Variants in ADAMTSL1 observed in about 807,000 individuals in gnomAD.
ADAMTSL1 encodes ADAMTS like 1, also known as ADAMTS-like protein 1.
A neutral mutation model predicts 201.8 loss-of-function variants in ADAMTSL1; 126 were observed. That is an observed-to-expected ratio of 0.62 (90% CI 0.54 to 0.72). The LOEUF is 0.72. Ranked by LOEUF, ADAMTSL1 falls within the 30% of genes least tolerant of loss-of-function variation. ADAMTSL1 has a pLI of 0.00. For missense variants in ADAMTSL1, 2,679 were observed against 2,277.8 expected (o/e 1.18, Z -3.59); for synonymous variants, 1,121 against 903.4 (o/e 1.24, Z -4.32).
intron 16 of ADAMTSL1, among the ~76,000 whole-genome samples, chr9:18,765,146 T>C (rs1588067604): frequency 6.6e-6 from 1 of 152,198 alleles, no homozygotes; most frequent in East Asian, 1.9e-4. Flanking sequence ...ACTTGTTTAT[T>C]GTGGAGCATT....
intron 4 of ADAMTSL1, among the ~76,000 whole-genome samples, chr9:18,620,421 G>A (rs1383875061): frequency 6.6e-6 from 1 of 152,094 alleles, no homozygotes; most frequent in Admixed American, 6.6e-5. Flanking sequence ...GCCCATAGCA[G>A]GTCCTCAATA....
chr9:18,127,859 C>G (rs1825802983), intron 1 of ADAMTSL1, among the ~76,000 whole-genome samples: 1 of 152,152 alleles, frequency 6.6e-6, no homozygotes, highest in African/African-American at 2.4e-5. Context: ...TTGTTTTCCT[C>G]TCCTGATAGA....
intron 2 of ADAMTSL1, among the ~76,000 whole-genome samples, chr9:18,193,446 A>G (rs1487266158): frequency 1.3e-5 from 2 of 152,096 alleles, no homozygotes; most frequent in African/African-American, 4.8e-5. Context: ...AGCTGTTCAG[A>G]AAAGCTCCTT....
intron 11 of ADAMTSL1, chr9:18,681,580 C>G (rs12337572): frequency 0.023 from 7,385 of 317,330 alleles, 480 homozygotes; most frequent in African/African-American, 0.14. Context: ...CTGATTAATC[C>G]AAAGCTATGG....
intron 1 of ADAMTSL1, among the ~76,000 whole-genome samples, chr9:17,922,442 A>T (rs2131295949): frequency 6.6e-6 from 1 of 152,314 alleles, no homozygotes; most frequent in Admixed American, 6.5e-5. Context: ...TTCATTGCAG[A>T]TTCCTGAGCC....
rs1229415154 is a variant in ADAMTSL1, at chr9:18,171,815, C to T, written c.207+7834C>T. Among the ~76,000 whole-genome samples the T allele has an allele frequency of 2.0e-5, 3 of 152,096 alleles. No homozygotes were observed. In the East Asian group the frequency reaches 5.8e-4, roughly 30 times the overall value. ...TTCTAGGGTTTTTATGGTTTTAGGT[C>T]TTACGTTTAAGTCTTTAATCCATCT... On this transcript the variant is annotated intron_variant, in intron 2 of 29. Coordinates refer to the ADAMTSL1 transcript ENST00000680146.
At position 18,173,804 on chromosome 9, in the gene ADAMTSL1, T is replaced by G. The variant is rs575465061; in HGVS notation, c.207+9823T>G. On this transcript the variant is annotated intron_variant, in intron 2 of 29. Transcript: ENST00000680146. ...ATAACACGTGTGAATTTTATTACTC[T>G]TTTGGGGGGCATTTTCACGTTTCAT... 1.4e-3 allele frequency among the ~76,000 whole-genome samples: 218 copies of G among 152,294 alleles called. 3 individuals carry two copies. The highest frequency in any genetic ancestry group is 8.9e-3 in the South Asian group (43 of 4,826).
At chr9:18,825,428 C>A (rs187976552) in intron 21 of ADAMTSL1, among the ~76,000 whole-genome samples, 4 of 152,186 alleles carry the variant, frequency 2.6e-5, no homozygotes, top group African/African-American at 9.7e-5. Context: ...TCTACTGATA[C>A]TACCATTTCA....
intron 2 of ADAMTSL1, among the ~76,000 whole-genome samples, chr9:18,176,465 C>T (rs1330937268): frequency 1.3e-5 from 2 of 152,020 alleles, no homozygotes; most frequent in Admixed American, 6.6e-5. Flanking sequence ...TAGTAACTGT[C>T]ATTTATTACC....
intron 1 of ADAMTSL1, among the ~76,000 whole-genome samples, chr9:18,155,866 A>G (rs533795767): frequency 1.8e-4 from 28 of 152,006 alleles, no homozygotes; most frequent in Non-Finnish European, 3.7e-4. Flanking sequence ...TCCTCCTAGA[A>G]TTTTGTCCTG....
At chr9:18,811,301 T>C (rs1180221231) in intron 20 of ADAMTSL1, among the ~76,000 whole-genome samples, 1 of 152,198 alleles carries the variant, frequency 6.6e-6, no homozygotes, top group African/African-American at 2.4e-5. Flanking sequence ...CAGAGTGTAA[T>C]GTGGAGACCA....
chr9:18,366,487 G>T (rs1836772793), intron 2 of ADAMTSL1, among the ~76,000 whole-genome samples: 1 of 151,196 alleles, frequency 6.6e-6, no homozygotes. Flanking sequence ...GGGACACACA[G>T]GTTTTTATAT....
intron 2 of ADAMTSL1, among the ~76,000 whole-genome samples, chr9:18,180,489 C>T (rs562626558): frequency 2.0e-5 from 3 of 146,852 alleles, no homozygotes; most frequent in Non-Finnish European, 3.0e-5. Flanking sequence ...GCCAAGATCC[C>T]GCCACTGCAC....
rs370414766 is a variant in ADAMTSL1, at chr9:18,777,326, G to T, written c.3097G>T (p.Gly1033Cys). The stretch of plus-strand genomic sequence containing the variant: ...CGTCTCCCGGCTGCTGGAGCAGGGC[G>T]GCTGGCCCGGAGAGCTGCTGGCCTC... ...DLVSRLLEQGGWPGELLASWE... is the reference protein window; with the variant it reads ...DLVSRLLEQGCWPGELLASWE... The change falls in exon 19 of 29, where the codon GGC becomes TGC. Residue 1033 changes from glycine to cysteine, a missense_variant. Coordinates refer to ENST00000380548, the MANE Select transcript of ADAMTSL1 (RefSeq NM_001040272.6). The T allele has an allele frequency of 6.2e-7, 1 of 1,601,136 alleles. No homozygotes were observed. The highest frequency in any genetic ancestry group is 1.7e-5 in the Admixed American group (1 of 58,418).
At chr9:18,398,337 TG>T (rs1307822812) in intron 2 of ADAMTSL1, among the ~76,000 whole-genome samples, 2 of 152,182 alleles carry the variant, frequency 1.3e-5, no homozygotes, top group Non-Finnish European at 2.9e-5. Context: ...AAAATGTTTT[TG>T]TTTAAGAATG....
chr9:18,654,243 T>C (rs181464730), intron 7 of ADAMTSL1, among the ~76,000 whole-genome samples: 15 of 152,318 alleles, frequency 9.8e-5, no homozygotes, highest in Admixed American at 3.9e-4. Context: ...CAAAGTGCTC[T>C]TGGATAAACA....
In ADAMTSL1 at chr9:17,910,823, G is replaced by C. The variant is rs529075620; in HGVS notation, c.87+3901G>C. ...ATCAAATTAAACAGATCAGAAATTT[G>C]AGGATACTTAATATCAAATCAAGAA... On this transcript the variant is annotated intron_variant, in intron 1 of 29. Coordinates refer to the ADAMTSL1 transcript ENST00000680146. Among the ~76,000 whole-genome samples, 27 of 69,044 alleles carry C rather than the reference G, an allele frequency of 3.9e-4. 6 individuals carry two copies. Among genetic ancestry groups the C allele is most frequent in the African/African-American group, 7.3e-4 (25 of 34,272 alleles). 45.3% of individuals were successfully genotyped at this position (69,044 alleles called of 152,430 possible). A position where few individuals can be genotyped will look rare whatever the true frequency, so the allele number is the denominator to read the frequency against.
In ADAMTSL1 at chr9:18,073,506, A is replaced by G. The variant is rs111883223; in HGVS notation, c.88-90356A>G. Among the ~76,000 whole-genome samples, 1,436 of 152,264 alleles carry G rather than the reference A, an allele frequency of 9.4e-3. 26 individuals carry two copies. Among genetic ancestry groups the G allele is most frequent in the African/African-American group, 0.033 (1,351 of 41,562 alleles). On this transcript the variant is annotated intron_variant, in intron 1 of 29. Transcript: ENST00000680146. ...AATTACATGCCACAGTGGTGTTTGC[A>G]CTTGGGGGATTGGTGAAGGCCTTTG...
At chr9:18,906,649 C>A in intron 27 of ADAMTSL1, 43 bp from the exon 28 acceptor site, 5 of 1,465,902 alleles carry the variant, frequency 3.4e-6, no homozygotes, top group Non-Finnish European at 4.6e-6. Context: ...CTGATTCAGC[C>A]CCCACAGAAG....
Sources: gnomAD v4.1 joint callset for allele counts (sites outside exome capture counted in the v4.1 genomes callset) on GRCh38, gnomAD v4.1.1 for gene constraint, MANE v1.5 for transcripts, NCBI Gene and HGNC (gene_info 2026-07-23, HGNC 2026-07-21) for gene names.